Variants in ABCD3 observed in about 807,000 individuals in gnomAD.
ABCD3 encodes the protein ATP binding cassette subfamily D member 3.
ABCD3 carries 41 observed loss-of-function variants against 105.5 expected under a neutral mutation model. The ratio of observed to expected loss-of-function variants is 0.39; its 90% CI spans 0.30 to 0.50. The LOEUF (loss-of-function observed/expected upper bound fraction) is 0.50. ABCD3 is among the 20% of genes least tolerant of loss of function. The pLI is 0.84. For synonymous variants in ABCD3, 258 were observed against 269.0 expected, an observed-to-expected ratio of 0.96 and a Z score of 0.40; for missense variants, 622 against 806.3, an observed-to-expected ratio of 0.77 and a Z score of 2.77.
Position 94,517,194 on chromosome 1 carries a change from T to C in ABCD3, c.*65T>C, listed in dbSNP as rs1570850731. The C allele has an allele frequency of 8.3e-7, 1 of 1,203,870 alleles. No individual in the cohort carries two copies. Among genetic ancestry groups the C allele is most frequent in the Admixed American group, 1.7e-5 (1 of 57,716 alleles). The allele number at this position is 1,203,870 out of a possible 1,614,324, so 74.6% of individuals were successfully genotyped here. A position where few individuals can be genotyped will look rare whatever the true frequency, so the allele number is the denominator to read the frequency against. ...ACAGAATATACTTAGAAAGGCAAAG[T>C]ACATTGTAAAATAAAGTTGAGCTTA... On this transcript the variant is annotated 3_prime_UTR_variant, in exon 23 of 23. Transcript: ENST00000370214.
At chr1:94,515,027 T>G in intron 21 of ABCD3, 119 bp from the exon 22 acceptor site, 1 of 789,596 alleles carries the variant, frequency 1.3e-6, no homozygotes, top group Non-Finnish European at 2.1e-6. Flanking sequence ...TTTTTCTCAT[T>G]GACATTGCTT....
chr1:94,498,760 T>C, intron 17 of ABCD3, 23 bp from the exon 18 acceptor site: 1 of 1,613,520 alleles, frequency 6.2e-7, no homozygotes, highest in Non-Finnish European at 8.5e-7. Flanking sequence ...CAATTGTTCT[T>C]CTCCCTTCTC....
chr1:94,488,995 G>C (rs1426650333), intron 13 of ABCD3, among the ~76,000 whole-genome samples: 1 of 151,934 alleles, frequency 6.6e-6, no homozygotes, highest in Non-Finnish European at 1.5e-5. Context: ...ATGGGAATAA[G>C]TTATACACGT....
intron 20 of ABCD3, among the ~76,000 whole-genome samples, 153 bp from the exon 21 acceptor site, chr1:94,506,385 T>C (rs927272981): frequency 6.6e-6 from 1 of 152,190 alleles, no homozygotes; most frequent in African/African-American, 2.4e-5. Flanking sequence ...GTTTATATTG[T>C]TTCTATTTCT....
chr1:94,512,293 G>C (rs1016320316), intron 21 of ABCD3, among the ~76,000 whole-genome samples: 3 of 151,258 alleles, frequency 2.0e-5, no homozygotes, highest in Non-Finnish European at 2.9e-5. Flanking sequence ...GAAATTTTAG[G>C]TAGTCATGTA....
At chr1:94,450,299 G>T (rs973155139) in intron 1 of ABCD3, among the ~76,000 whole-genome samples, 25 of 152,236 alleles carry the variant, frequency 1.6e-4, no homozygotes, top group African/African-American at 6.0e-4. Context: ...CAAATAAGGG[G>T]GACATGTTGG....
chr1:94,507,147 C>G (rs1650404098), intron 21 of ABCD3, among the ~76,000 whole-genome samples: 2 of 151,954 alleles, frequency 1.3e-5, no homozygotes, highest in Admixed American at 6.6e-5. Flanking sequence ...CCCCTTCCCC[C>G]ACCCCACAAC....
rs766600026 is a variant in ABCD3, at chr1:94,422,687, T to C, written c.110+4099T>C. Among the ~76,000 whole-genome samples, 27 of 152,146 alleles carry C rather than the reference T, an allele frequency of 1.8e-4. 1 individual carries two copies. Among genetic ancestry groups the C allele is most frequent in the Non-Finnish European group, 5.9e-5 (4 of 68,030 alleles). On this transcript the variant is annotated intron_variant, in intron 1 of 22. Coordinates refer to ENST00000370214, the MANE Select transcript of ABCD3 (RefSeq NM_002858.4). Reference sequence around the variant, plus strand: ...AGAGAGGATAAATGACATAGGATAGTTGAAGAACTTTTAAGCGTAATTGAC... The same window carrying C: ...AGAGAGGATAAATGACATAGGATAGCTGAAGAACTTTTAAGCGTAATTGAC...
At chr1:94,414,243 T>C (rs963485269), upstream of ABCD3, among the ~76,000 whole-genome samples, 2 of 152,186 alleles carry the variant, frequency 1.3e-5, no homozygotes, top group African/African-American at 4.8e-5. Context: ...TTACCTTTCC[T>C]GATGAGCATG....
At chr1:94,476,587 A>G (rs1648753118) in intron 7 of ABCD3, among the ~76,000 whole-genome samples, 1 of 152,180 alleles carries the variant, frequency 6.6e-6, no homozygotes, top group Admixed American at 6.5e-5. Context: ...CAGTTTTGAG[A>G]CAAAAGAAAA....
At chr1:94,426,808 G>T (rs1245982660) in intron 1 of ABCD3, among the ~76,000 whole-genome samples, 1 of 149,726 alleles carries the variant, frequency 6.7e-6, no homozygotes, top group African/African-American at 2.5e-5. Flanking sequence ...GCCTCCCAAA[G>T]TGCTGGGATT....
chr1:94,496,385 C>A (rs146915671), intron 16 of ABCD3, among the ~76,000 whole-genome samples: 4 of 152,084 alleles, frequency 2.6e-5, no homozygotes, highest in African/African-American at 9.6e-5. Context: ...ATAATGTTTT[C>A]AAGGTTCATC....
At chr1:94,479,022 G>GGTT (rs1339307662) in intron 8 of ABCD3, among the ~76,000 whole-genome samples, 1 of 152,120 alleles carries the variant, frequency 6.6e-6, no homozygotes, top group Non-Finnish European at 1.5e-5. Context: ...ATAATAGTAT[G>GGTT]GTTGTTTTAC....
At chr1:94,496,361 T>G (rs942596030) in intron 16 of ABCD3, among the ~76,000 whole-genome samples, 33 of 152,190 alleles carry the variant, frequency 2.2e-4, no homozygotes, top group African/African-American at 7.7e-4. Context: ...TGTGGCTGGC[T>G]TATTTCATTT....
chr1:94,422,860 A>G (rs563713252), intron 1 of ABCD3, among the ~76,000 whole-genome samples: 15 of 152,336 alleles, frequency 9.8e-5, no homozygotes, highest in African/African-American at 3.6e-4. Context: ...ACCAGTCTGT[A>G]TAGCCATAGT....
intron 16 of ABCD3, among the ~76,000 whole-genome samples, chr1:94,496,882 C>T (rs1018149849): frequency 6.6e-6 from 1 of 151,470 alleles, no homozygotes; most frequent in Non-Finnish European, 1.5e-5. Flanking sequence ...ATTCTCATGC[C>T]TCAGCCTCCT....
rs1557679774 is a variant in ABCD3, at chr1:94,478,285, C to G, written c.654C>G (p.Ile218Met). ...SKPFLDIVLY[I>M]FKLTSAIGAQ... ...CATTTTTAGACATAGTTTTGTATAT[C>G]TTTAAGTTAACGAGTGCAATTGGAG... Residue 218 changes from isoleucine (I) to methionine (M), a missense_variant, in exon 8 of 23, where the codon ATC becomes ATG. This residue lies in a region of ABCD3 where 245 missense variants were observed against 356.4 expected (regional missense o/e 0.69). Coordinates refer to ENST00000370214, the MANE Select transcript of ABCD3 (RefSeq NM_002858.4). 1 of 1,602,084 alleles carries G rather than the reference C, an allele frequency of 6.2e-7. No individual in the cohort carries two copies. The highest frequency in any genetic ancestry group is 1.1e-5 in the South Asian group (1 of 90,206).
chr1:94,475,255 A>G lies in ABCD3; in HGVS notation c.503+15A>G, dbSNP rs374064414. The G allele has an allele frequency of 7.1e-6, 10 of 1,414,152 alleles. No individual in the cohort carries two copies. The African/African-American group carries it at 1.3e-4, about 18-fold the overall frequency. 87.6% of individuals were successfully genotyped at this position (1,414,152 alleles called of 1,614,324 possible). The stretch of plus-strand genomic sequence containing the variant: ...GAGTATCTTCAGTAAGTGATAACCT[A>G]TTTTTATATTAAAAATATTTAAATA... On this transcript the variant is annotated intron_variant, in intron 6 of 22. Transcript: ENST00000370214.
intron 5 of ABCD3, among the ~76,000 whole-genome samples, chr1:94,474,879 C>T (rs984146994): frequency 8.0e-5 from 12 of 150,114 alleles, no homozygotes; most frequent in African/African-American, 2.2e-4. Context: ...ACTTTTTGCC[C>T]GTTTACCAAA....
Sources: gnomAD v4.1 joint callset for allele counts (sites outside exome capture counted in the v4.1 genomes callset) on GRCh38, gnomAD v4.1.1 for gene constraint, gnomAD v4.1.1 regional missense constraint, MANE v1.5 for transcripts, NCBI Gene and HGNC (gene_info 2026-07-23, HGNC 2026-07-21) for gene names.